WASHC2C: variants seen among roughly 807,000 people sequenced by gnomAD.
WASHC2C encodes Vaccinia Penetration Factor.
WASHC2C carries 73 observed loss-of-function variants against 142.2 expected under a neutral mutation model. The ratio of observed to expected loss-of-function variants is 0.51; its 90% CI spans 0.43 to 0.62. The LOEUF is 0.62. Ranked by LOEUF, WASHC2C falls within the 20% of genes least tolerant of loss-of-function variation. The probability of loss-of-function intolerance (pLI) is 0.00; values close to 1 mark genes in which losing one functional copy is unlikely to be tolerated. For synonymous variants in WASHC2C, 337 were observed against 565.5 expected, an observed-to-expected ratio of 0.60 and a Z score of 5.73; for missense variants, 969 against 1,531.7, an observed-to-expected ratio of 0.63 and a Z score of 6.13.
intron 7 of WASHC2C, 44 bp from the exon 8 acceptor site, chr10:45,746,556 A>G (rs2052859392): frequency 1.2e-6 from 2 of 1,604,972 alleles, no homozygotes; most frequent in East Asian, 2.2e-5. Context: ...CTGTGCTTCT[A>G]AGTAAAGCCC....
At position 45,792,740 on chromosome 10, in the gene WASHC2C, T is replaced by C; in HGVS notation, c.*340T>C. On this transcript the variant is annotated 3_prime_UTR_variant, in exon 31 of 31. Coordinates refer to ENST00000623400, the MANE Select transcript of WASHC2C (RefSeq NM_001330074.2). The stretch of plus-strand genomic sequence containing the variant: ...AATCTCAGAGATAGCAAATGCCACC[T>C]GACCAGAAGTCTTTGTTATATGGAT... 1 of 514,490 alleles carries C rather than the reference T, an allele frequency of 1.9e-6. No homozygotes were observed. Among genetic ancestry groups the C allele is most frequent in the East Asian group, 5.1e-5 (1 of 19,502 alleles). The allele number at this position is 514,490 out of a possible 1,614,324, so 31.9% of individuals were successfully genotyped here. A position where few individuals can be genotyped will look rare whatever the true frequency, so the allele number is the denominator to read the frequency against.
intron 23 of WASHC2C, among the ~76,000 whole-genome samples, chr10:45,780,926 G>A (rs2057454306): frequency 6.6e-6 from 1 of 151,276 alleles, no homozygotes. Context: ...GCTATTTTTT[G>A]TATTTTTAGT....
At chr10:45,780,723 C>T (rs534667167) in intron 23 of WASHC2C, among the ~76,000 whole-genome samples, 21 of 149,514 alleles carry the variant, frequency 1.4e-4, no homozygotes, top group East Asian at 1.2e-3. Context: ...TGAACATTTA[C>T]TAACTTACAA....
intron 21 of WASHC2C, among the ~76,000 whole-genome samples, chr10:45,775,637 A>G (rs2056993836): frequency 6.6e-6 from 1 of 150,862 alleles, no homozygotes; most frequent in Non-Finnish European, 1.5e-5. Flanking sequence ...GATTTGCCAT[A>G]CTTAAGTCTC....
chr10:45,791,576 G>A (rs1430022355), intron 30 of WASHC2C, among the ~76,000 whole-genome samples: 1 of 145,860 alleles, frequency 6.9e-6, no homozygotes, highest in Non-Finnish European at 1.5e-5. Context: ...TGCTGTGCAC[G>A]ATTTCTTTAT....
chr10:45,784,522 T>G (rs1317971625), intron 23 of WASHC2C, 43 bp from the exon 24 acceptor site: 6 of 1,605,152 alleles, frequency 3.7e-6, no homozygotes, highest in East Asian at 4.5e-5. Context: ...TGAGATAAGT[T>G]CTTACAGCTC....
chr10:45,754,403 T>C lies in WASHC2C; in HGVS notation c.1181-83T>C, dbSNP rs1278703081. The C allele has an allele frequency of 4.4e-6, 7 of 1,604,016 alleles. No individual in the cohort carries two copies. The Middle Eastern group carries it at 6.8e-4, about 156-fold the overall frequency. ...AAAAGGTCTGGTACTAGCTGTGTGT[T>C]ACATTGCACGTATTTCAGGAAGAAA... is the stretch of plus-strand genomic sequence containing the variant. On this transcript the variant is annotated intron_variant, in intron 13 of 30. Transcript: ENST00000623400.
At chr10:45,734,465 TTTG>T (rs1343394111) in intron 3 of WASHC2C, among the ~76,000 whole-genome samples, 1 of 152,124 alleles carries the variant, frequency 6.6e-6, no homozygotes, top group East Asian at 1.9e-4. Flanking sequence ...ATTTAATTTT[TTTG>T]TTCTTAAACC....
intron 15 of WASHC2C, among the ~76,000 whole-genome samples, chr10:45,756,053 CAA>C (rs2054245970): frequency 7.5e-6 from 1 of 133,718 alleles, no homozygotes; most frequent in African/African-American, 2.9e-5. Flanking sequence ...GTGAAGATGA[CAA>C]TGCACACAGG....
chr10:45,755,062 G>T lies in WASHC2C; in HGVS notation c.1367G>T (p.Gly456Val). 2 of 1,611,586 alleles carry T rather than the reference G, an allele frequency of 1.2e-6. No homozygotes were observed. The highest frequency in any genetic ancestry group is 1.7e-6 in the Non-Finnish European group (2 of 1,179,788). The part of the protein sequence containing the change: ...PPTGLFDDDD[G>V]DDDDDFFSAP... ...ACTGGCCTCTTTGATGATGATGATG[G>T]TGATGATGATGACGACTTTTTCTCG... The change falls in exon 15 of 31, where the codon GGT (glycine) becomes GTT (valine). Residue 456 changes from glycine (G) to valine (V), a missense_variant. Coordinates refer to ENST00000623400, the MANE Select transcript of WASHC2C (RefSeq NM_001330074.2).
intron 3 of WASHC2C, among the ~76,000 whole-genome samples, chr10:45,732,325 CTT>C (rs1554862714): frequency 6.6e-6 from 1 of 152,058 alleles, no homozygotes; most frequent in East Asian, 1.9e-4. Context: ...ACAGTCAGGA[CTT>C]TTTAGGGCAA....
chr10:45,765,791 T>A lies in WASHC2C; in HGVS notation c.1850T>A (p.Leu617Ter). 6.2e-7 allele frequency: 1 copy of A among 1,612,000 alleles called. No homozygotes were observed. Among genetic ancestry groups the A allele is most frequent in the Non-Finnish European group, 8.5e-7 (1 of 1,179,856 alleles). ...TCCAAAAAGAAAGCATCTGCCCTGTTGTTCAGCAGTGATGAGGAGGTGAGC... is the reference window on the plus strand; with the variant it reads ...TCCAAAAAGAAAGCATCTGCCCTGTAGTTCAGCAGTGATGAGGAGGTGAGC... ...ELSKKKASALLFSSDEEDQWN... is the reference protein window; with the variant it reads ...ELSKKKASAL Residue 617 changes from leucine (L) to a stop codon, truncating the protein, a stop_gained, in exon 19 of 31, where the codon TTG becomes TAG. Transcript: ENST00000623400. LOFTEE classifies it high-confidence loss of function.
rs1227809519 is a variant in WASHC2C, at chr10:45,749,836, A to AAAAAAAAAATATAT, written c.733-259_733-258insAAAAAAAATATATA. On this transcript the variant is annotated intron_variant, in intron 8 of 30. Coordinates refer to ENST00000623400, the MANE Select transcript of WASHC2C (RefSeq NM_001330074.2). ...GCAAGACTCCATCTCAAAAAAAAAAAATATATATATATATATATATTTATA... is the reference window on the plus strand; with the variant it reads ...GCAAGACTCCATCTCAAAAAAAAAAAAAAAAAAAATATATATATATATATATATATATATTTATA... Among the ~76,000 whole-genome samples the AAAAAAAAAATATAT allele has an allele frequency of 7.9e-5, 8 of 101,768 alleles. No homozygotes were observed. The East Asian group carries it at 1.4e-3, about 18-fold the overall frequency. The allele number at this position is 101,768 out of a possible 152,430, so 66.8% of individuals were successfully genotyped here. A position where few individuals can be genotyped will look rare whatever the true frequency, so the allele number is the denominator to read the frequency against.
At position 45,756,994 on chromosome 10, in the gene WASHC2C, C is replaced by T; in HGVS notation, c.1421-18C>T. 2 of 1,582,552 alleles carry T rather than the reference C, an allele frequency of 1.3e-6. No individual in the cohort carries two copies. The highest frequency in any genetic ancestry group is 1.7e-6 in the Non-Finnish European group (2 of 1,162,562). ...TGTTTGACGTTAGTGTCATTTTATG[C>T]CTTGGTATTTTTTACAGGCAAAGTC... On this transcript the variant is annotated intron_variant, in intron 15 of 30. Coordinates refer to ENST00000623400, the MANE Select transcript of WASHC2C (RefSeq NM_001330074.2).
chr10:45,792,825 C>T lies in WASHC2C; in HGVS notation c.*425C>T, dbSNP rs1474342052. 1 of 476,000 alleles carries T rather than the reference C, an allele frequency of 2.1e-6. No homozygotes were observed. The highest frequency in any genetic ancestry group is 6.8e-5 in the East Asian group (1 of 14,722). 29.5% of individuals were successfully genotyped at this position (476,000 alleles called of 1,614,324 possible). A position where few individuals can be genotyped will look rare whatever the true frequency, so the allele number is the denominator to read the frequency against. ...AGAAAGAAGATGAGAGATTATACTT[C>T]ATGAGTCTTAGCAATATGGGAGCAG... is the stretch of plus-strand genomic sequence containing the variant. On this transcript the variant is annotated 3_prime_UTR_variant, in exon 31 of 31. Coordinates refer to ENST00000623400, the MANE Select transcript of WASHC2C (RefSeq NM_001330074.2).
intron 4 of WASHC2C, among the ~76,000 whole-genome samples, chr10:45,739,811 C>T (rs1324915152): frequency 1.3e-5 from 2 of 151,900 alleles, no homozygotes; most frequent in East Asian, 3.9e-4. Context: ...CTAGTTGTAC[C>T]TCTGCTTTTG....
At chr10:45,729,903 G>C (rs1249935901) in intron 3 of WASHC2C, among the ~76,000 whole-genome samples, 1 of 152,140 alleles carries the variant, frequency 6.6e-6, no homozygotes, top group African/African-American at 2.4e-5. Context: ...CAGCATGTTT[G>C]TGCATTTTTT....
At chr10:45,790,175 G>A in intron 29 of WASHC2C, among the ~76,000 whole-genome samples, 181 bp from the exon 30 acceptor site, 1 of 152,202 alleles carries the variant, frequency 6.6e-6, no homozygotes, top group East Asian at 1.9e-4. Context: ...TTTGAGCCGG[G>A]GTGAGATGCG....
chr10:45,730,214 C>T (rs1165255508), intron 3 of WASHC2C, among the ~76,000 whole-genome samples: 6 of 114,066 alleles, frequency 5.3e-5, no homozygotes, highest in African/African-American at 1.4e-4. Flanking sequence ...GGCATGGTGG[C>T]GCATGCCTGT....
Sources: gnomAD v4.1 joint callset for allele counts (sites outside exome capture counted in the v4.1 genomes callset) on GRCh38, gnomAD v4.1.1 for gene constraint, MANE v1.5 for transcripts, NCBI Gene and HGNC (gene_info 2026-07-23, HGNC 2026-07-21) for gene names.